The following RPL27A variants were observed in gnomAD, a reference collection of about 807,000 sequenced individuals.
RPL27A encodes ribosomal protein L27a, also known as large ribosomal subunit protein uL15.
For synonymous variants in RPL27A, 69 were observed against 68.3 expected, an observed-to-expected ratio of 1.01 and a Z score of -0.05; for missense variants, 118 against 189.4, an observed-to-expected ratio of 0.62 and a Z score of 2.21.
chr11:8,683,932 C>A (rs779183681), intron 2 of RPL27A, 74 bp from the exon 3 acceptor site: 2 of 1,197,998 alleles, frequency 1.7e-6, no homozygotes, highest in South Asian at 1.2e-5. Context: ...TCTACCCCCC[C>A]TCGTCCTCCT....
At chr11:8,683,925 AC>A (rs202186773) in intron 2 of RPL27A, 80 bp from the exon 3 acceptor site, 35 of 1,092,656 alleles carry the variant, frequency 3.2e-5, no homozygotes, top group East Asian at 4.7e-5. Context: ...CAGGTGATCT[AC>A]CCCCCCTCGT....
In RPL27A at chr11:8,689,655, T is replaced by A. The variant is rs1044595763; in HGVS notation, c.*3849T>A. The stretch of plus-strand genomic sequence containing the variant: ...TGGAATGCATACCACATCATCTGGC[T>A]CTAGAAACGTATTTTGTGTAGCTCC... On this transcript the variant is annotated 3_prime_UTR_variant, in exon 5 of 5. Coordinates refer to ENST00000314138, the MANE Select transcript of RPL27A (RefSeq NM_000990.5). 1 of 152,180 alleles carries A rather than the reference T, an allele frequency of 6.6e-6. No homozygotes were observed. The highest frequency in any genetic ancestry group is 1.5e-5 in the Non-Finnish European group (1 of 68,032). 9.4% of individuals were successfully genotyped at this position (152,180 alleles called of 1,614,324 possible).
intron 4 of RPL27A, 94 bp downstream of exon 4, chr11:8,684,986 T>G: frequency 2.5e-6 from 3 of 1,196,830 alleles, no homozygotes; most frequent in Non-Finnish European, 2.5e-6. Flanking sequence ...ACTTCCCAGT[T>G]ACCTACCAGA....
At chr11:8,683,941 C>T in intron 2 of RPL27A, 65 bp from the exon 3 acceptor site, 2 of 1,381,460 alleles carry the variant, frequency 1.4e-6, no homozygotes, top group South Asian at 2.3e-5. Context: ...CCTCGTCCTC[C>T]TAAAATGCTG....
intron 4 of RPL27A, chr11:8,685,240 C>T: frequency 2.3e-6 from 1 of 426,246 alleles, no homozygotes; most frequent in South Asian, 2.0e-5. Flanking sequence ...TTATGTCTGT[C>T]CTTGCGGGGG....
intron 1 of RPL27A, 81 bp from the exon 2 acceptor site, chr11:8,683,121 C>T (rs1565589790): frequency 1.4e-6 from 2 of 1,412,666 alleles, no homozygotes; most frequent in Admixed American, 1.7e-5. Flanking sequence ...GACCCACAGG[C>T]TTACAGGACC....
In RPL27A at chr11:8,687,347, G is replaced by C. The variant is rs1234836717; in HGVS notation, c.*1541G>C. ...GCGGAGGTTGCTGTGAGCCGAGATC[G>C]TGCCATTGCACTCCAGCTTGGGCAA... On this transcript the variant is annotated 3_prime_UTR_variant, in exon 5 of 5. Transcript: ENST00000314138. 6 of 142,936 alleles carry C rather than the reference G, an allele frequency of 4.2e-5. No homozygotes were observed. The East Asian group carries it at 1.3e-3, about 31-fold the overall frequency. 8.9% of individuals were successfully genotyped at this position (142,936 alleles called of 1,614,324 possible).
In RPL27A at chr11:8,688,410, C is replaced by CTA. The variant is rs1565593678; in HGVS notation, c.*2604_*2605insTA. The CTA allele has an allele frequency of 6.6e-6, 1 of 152,142 alleles. No homozygotes were observed. The highest frequency in any genetic ancestry group is 6.5e-5 in the Admixed American group (1 of 15,282). The allele number at this position is 152,142 out of a possible 1,614,324, so 9.4% of individuals were successfully genotyped here. On this transcript the variant is annotated 3_prime_UTR_variant, in exon 5 of 5. Coordinates refer to ENST00000314138, the MANE Select transcript of RPL27A (RefSeq NM_000990.5). ...ACTCACCAGAAGCTACAGCTACTAA[C>CTA]AGTTCTAAAAACTGTTTCATGTGAT...
rs751237948 is a variant in RPL27A, at chr11:8,684,743, G to A, written c.169G>A (p.Gly57Ser). Residue 57 changes from glycine (G) to serine (S), a missense_variant, in exon 4 of 5, where the codon GGT becomes AGT. Gly to Ser is a moderately conservative substitution (Grantham distance 56). Transcript: ENST00000314138. ...KYHPGYFGKV[G>S]MKHYHLKRNQ... Reference sequence around the variant, plus strand: ...CCACCCAGGCTACTTTGGGAAAGTTGGTATGAAGCATTACCACTTAAAGAG... The same window carrying A: ...CCACCCAGGCTACTTTGGGAAAGTTAGTATGAAGCATTACCACTTAAAGAG... 2 of 1,613,924 alleles carry A rather than the reference G, an allele frequency of 1.2e-6. No individual in the cohort carries two copies. The highest frequency in any genetic ancestry group is 1.7e-6 in the Non-Finnish European group (2 of 1,179,856).
At chr11:8,683,736 G>A (rs2039540444) in intron 2 of RPL27A, 3 of 518,454 alleles carry the variant, frequency 5.8e-6, no homozygotes, top group Middle Eastern at 5.4e-4. Context: ...GGAGTGCAGT[G>A]GCGAAATCTC....
chr11:8,684,636 A>ATAGGGGGTGGTAACT, intron 3 of RPL27A, 82 bp from the exon 4 acceptor site: 1 of 1,204,742 alleles, frequency 8.3e-7, no homozygotes, highest in South Asian at 1.3e-5. Context: ...TTTACACTCT[A>ATAGGGGGTGGTAACT]ATAGGGGGTG....
rs1452648030 is a variant in RPL27A, at chr11:8,684,782, T to C, written c.208T>C (p.Cys70Arg). Residue 70 changes from cysteine (C) to arginine (R), a missense_variant, in exon 4 of 5, where the codon TGC becomes CGC. Transcript: ENST00000314138. ...CCACTTAAAGAGGAACCAGAGCTTCTGCCCAACTGTCAACCTTGACAAATT... is the reference window on the plus strand; with the variant it reads ...CCACTTAAAGAGGAACCAGAGCTTCCGCCCAACTGTCAACCTTGACAAATT... ...HYHLKRNQSF[C>R]PTVNLDKLWT... 3 of 1,614,024 alleles carry C rather than the reference T, an allele frequency of 1.9e-6. No homozygotes were observed. The highest frequency in any genetic ancestry group is 8.5e-7 in the Non-Finnish European group (1 of 1,179,822).
rs1242759657 is a variant in RPL27A at position 8,688,325 on chromosome 11, G to A, written c.*2519G>A. 6.6e-6 allele frequency: 1 copy of A among 152,174 alleles called. No individual in the cohort carries two copies. Among genetic ancestry groups the A allele is most frequent in the African/African-American group, 2.4e-5 (1 of 41,428 alleles). The allele number at this position is 152,174 out of a possible 1,614,324, so 9.4% of individuals were successfully genotyped here. A position where few individuals can be genotyped will look rare whatever the true frequency, so the allele number is the denominator to read the frequency against. On this transcript the variant is annotated 3_prime_UTR_variant, in exon 5 of 5. Transcript: ENST00000314138. ...ATGGCTACCTTCTTCCCCAGGAGTT[G>A]TTAGGCCATCCGATCCCCTGGCCTG... is the stretch of plus-strand genomic sequence containing the variant.
In RPL27A at chr11:8,683,263, T is replaced by C. The variant is rs1379720418; in HGVS notation, c.65T>C (p.Ile22Thr). ...CACGTGAGCCACGGCCACGGCCGCA[T>C]AGGTAAGTGCCGGCTTCCCCTCGGG... ...RGHVSHGHGR[I>T]GKHRKHPGGR... Residue 22 changes from isoleucine to threonine, a missense_variant and splice_region_variant, in exon 2 of 5, where the codon ATA (isoleucine) becomes ACA (threonine). Coordinates refer to ENST00000314138, the MANE Select transcript of RPL27A (RefSeq NM_000990.5). The C allele has an allele frequency of 1.2e-6, 2 of 1,613,984 alleles. No individual in the cohort carries two copies. Among genetic ancestry groups the C allele is most frequent in the African/African-American group, 1.3e-5 (1 of 74,946 alleles).
At position 8,689,386 on chromosome 11, in the gene RPL27A, C is replaced by T. The variant is rs2039617382; in HGVS notation, c.*3580C>T. The T allele has an allele frequency of 1.3e-5, 2 of 151,032 alleles. No individual in the cohort carries two copies. Among genetic ancestry groups the T allele is most frequent in the Non-Finnish European group, 2.9e-5 (2 of 67,876 alleles). 9.4% of individuals were successfully genotyped at this position (151,032 alleles called of 1,614,324 possible). A position where few individuals can be genotyped will look rare whatever the true frequency, so the allele number is the denominator to read the frequency against. ...CACGGATGGAAATATTCTAGAAGAA[C>T]ATAAAAGGAATTTCCTCTTAGGAGG... is the stretch of plus-strand genomic sequence containing the variant. On this transcript the variant is annotated 3_prime_UTR_variant, in exon 5 of 5. Transcript: ENST00000314138.
chr11:8,683,690 T>C (rs935559727), intron 2 of RPL27A: 1 of 478,392 alleles, frequency 2.1e-6, no homozygotes, highest in Middle Eastern at 5.9e-4. Flanking sequence ...GTAGCTTTTT[T>C]GTGTGTGTGT....
chr11:8,683,390 G>T, intron 2 of RPL27A, 125 bp downstream of exon 2: 2 of 768,318 alleles, frequency 2.6e-6, no homozygotes, highest in South Asian at 3.2e-5. Flanking sequence ...CACAGCTGTT[G>T]ATTTTTTTCT....
chr11:8,683,126 AGGACCATCTC>A, intron 1 of RPL27A, 66 bp from the exon 2 acceptor site: 2 of 1,443,532 alleles, frequency 1.4e-6, no homozygotes, highest in Non-Finnish European at 2.0e-6. Flanking sequence ...ACAGGCTTAC[AGGACCATCTC>A]GGCTGGCGGG....
intron 4 of RPL27A, 176 bp downstream of exon 4, chr11:8,685,068 C>CCAG (rs1316528503): frequency 9.0e-6 from 6 of 669,148 alleles, no homozygotes; most frequent in African/African-American, 1.8e-5. Flanking sequence ...CTGTCACTGC[C>CCAG]CAGGTTGTAT....
Sources: allele counts gnomAD v4.1 joint callset, GRCh38; gene constraint gnomAD v4.1.1; transcripts MANE v1.5; gene names NCBI Gene and HGNC (gene_info 2026-07-23, HGNC 2026-07-21).